Variants in DPP6 observed in about 807,000 individuals in gnomAD.
DPP6 encodes the protein dipeptidyl peptidase like 6.
DPP6 carries 69 observed loss-of-function variants against 122.6 expected under a neutral mutation model. The ratio of observed to expected loss-of-function variants is 0.56; its 90% CI spans 0.46 to 0.69. The LOEUF (loss-of-function observed/expected upper bound fraction) is 0.69. Ranked by LOEUF, DPP6 falls within the 30% of genes least tolerant of loss-of-function variation. The probability of loss-of-function intolerance (pLI) is 0.00; values close to 1 mark genes in which losing one functional copy is unlikely to be tolerated. For missense variants in DPP6, 928 were observed against 1,116.9 expected, an observed-to-expected ratio of 0.83 and a Z score of 2.41; for synonymous variants, 418 against 433.1, an observed-to-expected ratio of 0.97 and a Z score of 0.43.
At chr7:154,412,458 C>T (rs1349142332) in intron 1 of DPP6, among the ~76,000 whole-genome samples, 1 of 152,104 alleles carries the variant, frequency 6.6e-6, no homozygotes, top group Admixed American at 6.5e-5. Context: ...CTTTTAAGAA[C>T]AGTGCCCTAT....
intron 1 of DPP6, among the ~76,000 whole-genome samples, chr7:154,077,477 AC>A (rs1280417131): frequency 6.6e-6 from 1 of 152,018 alleles, no homozygotes; most frequent in African/African-American, 2.4e-5. Flanking sequence ...GATGTGGGGC[AC>A]CTACACTTCT....
chr7:154,715,435 A>G (rs575459820), intron 7 of DPP6, among the ~76,000 whole-genome samples: 25 of 152,350 alleles, frequency 1.6e-4, no homozygotes, highest in African/African-American at 5.5e-4. Context: ...TTTAATTTCA[A>G]TATACTTTTC....
intron 1 of DPP6, among the ~76,000 whole-genome samples, chr7:154,062,225 C>G (rs1802078076): frequency 1.0e-5 from 1 of 98,874 alleles, no homozygotes; most frequent in African/African-American, 3.7e-5. Flanking sequence ...GTTAGGTGTC[C>G]AAGTAGAAAG....
chr7:154,015,984 C>T (rs1798388630), intron 1 of DPP6, among the ~76,000 whole-genome samples: 2 of 152,182 alleles, frequency 1.3e-5, no homozygotes, highest in African/African-American at 4.8e-5. Flanking sequence ...TATAAGACCC[C>T]TTTTCCCTGC....
chr7:154,305,214 A>G, intron 1 of DPP6: 1 of 1,154,290 alleles, frequency 8.7e-7, no homozygotes, highest in Non-Finnish European at 1.1e-6. Flanking sequence ...AGCAGTTATC[A>G]TTGTTTCTGT....
At chr7:154,825,178 G>C (rs1563252747) in intron 16 of DPP6, among the ~76,000 whole-genome samples, 1 of 152,134 alleles carries the variant, frequency 6.6e-6, no homozygotes, top group Non-Finnish European at 1.5e-5. Flanking sequence ...TCTCAGCCTT[G>C]CTTACAAGCT....
intron 5 of DPP6, among the ~76,000 whole-genome samples, chr7:154,608,341 A>ATATATATATATATATATAT (rs1468792635): frequency 8.1e-6 from 1 of 123,196 alleles, no homozygotes; most frequent in African/African-American, 2.8e-5. Flanking sequence ...ATATATATAT[A>ATATATATATATATATATAT]TTTTGAGATG....
chr7:154,132,245 T>C (rs1413720775), intron 1 of DPP6, among the ~76,000 whole-genome samples: 2 of 152,226 alleles, frequency 1.3e-5, no homozygotes, highest in African/African-American at 4.8e-5. Flanking sequence ...GGCTTAATAT[T>C]GATCTGACTA....
At chr7:154,703,055 C>T (rs1360255670) in intron 7 of DPP6, among the ~76,000 whole-genome samples, 2 of 152,210 alleles carry the variant, frequency 1.3e-5, no homozygotes, top group African/African-American at 4.8e-5. Context: ...CGCCTATGCT[C>T]TGTAAATGCA....
intron 1 of DPP6, among the ~76,000 whole-genome samples, chr7:154,328,864 G>A (rs1808672041): frequency 6.6e-6 from 1 of 152,150 alleles, no homozygotes; most frequent in Admixed American, 6.5e-5. Context: ...CCTTGGGAAG[G>A]GAACTGTGTG....
intron 4 of DPP6, among the ~76,000 whole-genome samples, chr7:154,552,239 G>C (rs1242237728): frequency 6.6e-6 from 1 of 152,212 alleles, no homozygotes; most frequent in African/African-American, 2.4e-5. Context: ...CAGCTATGTA[G>C]TGGAGCAAAA....
intron 5 of DPP6, among the ~76,000 whole-genome samples, chr7:154,583,437 C>G (rs1196466214): frequency 6.6e-6 from 1 of 152,200 alleles, no homozygotes; most frequent in Non-Finnish European, 1.5e-5. Flanking sequence ...GCCTCCTGGC[C>G]ACTTAGGAGG....
chr7:154,462,132 A>G (rs1283248817), intron 2 of DPP6, among the ~76,000 whole-genome samples: 1 of 152,046 alleles, frequency 6.6e-6, no homozygotes, highest in Non-Finnish European at 1.5e-5. Flanking sequence ...TTTCCCCAAT[A>G]TATGTTCTTG....
At chr7:154,392,791 C>A (rs1247829251) in intron 1 of DPP6, among the ~76,000 whole-genome samples, 3 of 152,184 alleles carry the variant, frequency 2.0e-5, no homozygotes, top group Non-Finnish European at 4.4e-5. Context: ...ATTAGAGAAT[C>A]TAGGGAAGAA....
the DPP6 span, among the ~76,000 whole-genome samples, chr7:153,869,844 T>C: frequency 6.6e-6 from 1 of 152,206 alleles, no homozygotes; most frequent in Non-Finnish European, 1.5e-5. Context: ...AGGGCAGGCC[T>C]GGTGGTGACA....
the DPP6 span, among the ~76,000 whole-genome samples, chr7:153,796,805 G>A: frequency 9.0e-4 from 137 of 151,848 alleles, no homozygotes; most frequent in Non-Finnish European, 5.2e-4. Flanking sequence ...ATCATCACAT[G>A]TGGATTCCAG....
chr7:154,539,859 GGA>G (rs1367445248), intron 3 of DPP6, among the ~76,000 whole-genome samples: 1 of 151,628 alleles, frequency 6.6e-6, no homozygotes. Flanking sequence ...TTGATTTTGG[GGA>G]GTTGTTTTTT....
intron 5 of DPP6, among the ~76,000 whole-genome samples, chr7:154,593,592 T>A (rs1832925733): frequency 1.3e-5 from 2 of 152,220 alleles, no homozygotes; most frequent in Non-Finnish European, 1.5e-5. Context: ...GCCACCAATG[T>A]GTATCTACAT....
intron 22 of DPP6, 149 bp downstream of exon 22, chr7:154,885,893 A>T: frequency 9.1e-7 from 1 of 1,094,388 alleles, no homozygotes; most frequent in Non-Finnish European, 1.3e-6. Context: ...GGCTGATGGA[A>T]GAACCCGGGG....
Sources: gnomAD v4.1 joint callset for allele counts (sites outside exome capture counted in the v4.1 genomes callset) on GRCh38, gnomAD v4.1.1 for gene constraint, MANE v1.5 for transcripts, NCBI Gene and HGNC (gene_info 2026-07-23, HGNC 2026-07-21) for gene names.